The following CAMTA1 variants were observed in gnomAD, a reference collection of about 807,000 sequenced individuals.
CAMTA1 encodes the protein calmodulin binding transcription activator 1.
Under a neutral mutation model 170.9 loss-of-function variants are expected in CAMTA1, and 27 were observed. The ratio of observed to expected loss-of-function variants is 0.16; its 90% confidence interval spans 0.12 to 0.22. CAMTA1 has a LOEUF of 0.22. Among genes scored for constraint, CAMTA1 ranks in the 10% least tolerant of loss-of-function variants. CAMTA1 has a pLI of 1.00. For synonymous variants in CAMTA1, 833 were observed against 891.5 expected (o/e 0.93, Z 1.17); for missense variants, 1,619 against 2,217.2 (o/e 0.73, Z 5.42).
chr1:7,560,608 G>A (rs2094943664), intron 6 of CAMTA1, among the ~76,000 whole-genome samples: 1 of 152,214 alleles, frequency 6.6e-6, no homozygotes, highest in African/African-American at 2.4e-5. Context: ...AGACAGGCAG[G>A]GCTGGCTGTA....
intron 5 of CAMTA1, among the ~76,000 whole-genome samples, chr1:7,410,894 C>CGT (rs758942210): frequency 1.5e-4 from 14 of 91,928 alleles, no homozygotes; most frequent in African/African-American, 6.2e-4. Flanking sequence ...GGAGGGTGGG[C>CGT]GTCTGTGTGT....
At chr1:7,527,927 G>A (rs2150022878) in intron 6 of CAMTA1, among the ~76,000 whole-genome samples, 2 of 152,254 alleles carry the variant, frequency 1.3e-5, no homozygotes, top group East Asian at 3.9e-4. Context: ...ATGCTCTAGA[G>A]ATCGCTCCAA....
At position 7,509,218 on chromosome 1, in the gene CAMTA1, C is replaced by T. The variant is rs375176465; in HGVS notation, c.510+41317C>T. Among the ~76,000 whole-genome samples, 25 of 152,264 alleles carry T rather than the reference C, an allele frequency of 1.6e-4. No individual in the cohort carries two copies. In the East Asian group the frequency reaches 4.4e-3, roughly 27 times the overall value. ...AATTTAAAGGAGAGTGTGTTGGAAC[C>T]GTCTTACAAATGCATCTGTTACATC... On this transcript the variant is annotated intron_variant, in intron 6 of 22. Coordinates refer to ENST00000303635, the MANE Select transcript of CAMTA1 (RefSeq NM_015215.4).
intron 3 of CAMTA1, among the ~76,000 whole-genome samples, chr1:6,958,831 C>T (rs998940147): frequency 2.0e-5 from 3 of 152,074 alleles, no homozygotes; most frequent in African/African-American, 4.8e-5. Context: ...TTGTAAGTTG[C>T]TGAAAGTTTT....
chr1:7,029,360 G>A (rs1702466170), intron 3 of CAMTA1, among the ~76,000 whole-genome samples: 1 of 151,882 alleles, frequency 6.6e-6, no homozygotes, highest in African/African-American at 2.4e-5. Flanking sequence ...AAATTAGCTG[G>A]GCGTGGTGGC....
At chr1:7,743,819 TTTCTTTTCTTTTC>T (rs2150078643) in intron 16 of CAMTA1, among the ~76,000 whole-genome samples, 1 of 151,800 alleles carries the variant, frequency 6.6e-6, no homozygotes, top group East Asian at 1.9e-4. Context: ...GGATTCTTTT[TTTCTTTTCTTTTC>T]TTTTTTTTTT....
rs1437210281 is a variant in CAMTA1 at position 7,562,300 on chromosome 1, A to G, written c.511-78100A>G. Among the ~76,000 whole-genome samples, 1 of 152,344 alleles carries G rather than the reference A, an allele frequency of 6.6e-6. No individual in the cohort carries two copies. The highest frequency in any genetic ancestry group is 1.9e-4 in the East Asian group (1 of 5,182). On this transcript the variant is annotated intron_variant, in intron 6 of 22. Transcript: ENST00000303635. This position sits in a 1 kb window ranked among gnomAD's most constrained non-coding sequence, Gnocchi z 4.8. ...GATGGTGTTTTGCCTTGGTTTGAAT[A>G]TGTAAAGGCACTAAGCTGTTTAATT...
rs183150754 is a variant in CAMTA1, at chr1:6,969,020, T to C, written c.235-122284T>C. On this transcript the variant is annotated intron_variant, in intron 3 of 22. Transcript: ENST00000303635. ...GAGGGACATTTAAAGGGTTTGACTTTATCGGGACAGAGAGGGGCCAGTCTT... is the reference window on the plus strand; with the variant it reads ...GAGGGACATTTAAAGGGTTTGACTTCATCGGGACAGAGAGGGGCCAGTCTT... Among the ~76,000 whole-genome samples, 12 of 152,206 alleles carry C rather than the reference T, an allele frequency of 7.9e-5. 1 individual carries two copies. The East Asian group carries it at 1.5e-3, about 20-fold the overall frequency.
intron 4 of CAMTA1, among the ~76,000 whole-genome samples, chr1:7,231,150 C>T (rs1574061127): frequency 6.6e-6 from 1 of 152,290 alleles, no homozygotes; most frequent in East Asian, 1.9e-4. Flanking sequence ...CCCGGGGGAT[C>T]TGCCCAGGCA....
intron 10 of CAMTA1, among the ~76,000 whole-genome samples, chr1:7,671,564 C>T (rs572180528): frequency 6.6e-6 from 1 of 152,170 alleles, no homozygotes; most frequent in Non-Finnish European, 1.5e-5. Context: ...CTGGCAGGGG[C>T]GGAGGGAGAT....
chr1:7,735,897 C>T (rs957591317), intron 12 of CAMTA1, among the ~76,000 whole-genome samples: 7 of 151,968 alleles, frequency 4.6e-5, no homozygotes, highest in African/African-American at 9.7e-5. Flanking sequence ...CTCAGCCTCC[C>T]GAGTAGCTGG....
chr1:7,287,665 C>T (rs1033024849), intron 5 of CAMTA1, among the ~76,000 whole-genome samples: 1 of 152,186 alleles, frequency 6.6e-6, no homozygotes, highest in African/African-American at 2.4e-5. Context: ...TGGTAATAAA[C>T]AAGCCCTGGA....
At chr1:7,278,488 C>T (rs1671051408) in intron 5 of CAMTA1, among the ~76,000 whole-genome samples, 1 of 152,182 alleles carries the variant, frequency 6.6e-6, no homozygotes, top group African/African-American at 2.4e-5. Context: ...ACAATAAGTG[C>T]TTTTCAGGCA....
intron 6 of CAMTA1, among the ~76,000 whole-genome samples, chr1:7,589,439 G>A (rs190584830): frequency 2.6e-5 from 4 of 152,344 alleles, no homozygotes; most frequent in African/African-American, 9.6e-5. Context: ...AAGGAGGACA[G>A]CTTGACTGTG....
intron 5 of CAMTA1, among the ~76,000 whole-genome samples, chr1:7,400,500 A>G (rs926377641): frequency 9.2e-5 from 14 of 152,118 alleles, no homozygotes; most frequent in Admixed American, 2.6e-4. Flanking sequence ...GGGGTCAGTT[A>G]GTGGAGAGGT....
intron 4 of CAMTA1, among the ~76,000 whole-genome samples, chr1:7,183,069 G>T (rs1191675805): frequency 6.6e-6 from 1 of 152,202 alleles, no homozygotes; most frequent in East Asian, 1.9e-4. Context: ...AAGAAAAGAG[G>T]TTTGTTTTGG....
intron 3 of CAMTA1, among the ~76,000 whole-genome samples, chr1:6,951,288 G>A (rs578023325): frequency 6.6e-6 from 1 of 152,290 alleles, no homozygotes; most frequent in South Asian, 2.1e-4. Context: ...TCATTCAATA[G>A]GTATTGAATC....
intron 5 of CAMTA1, chr1:7,388,435 T>C: frequency 6.6e-6 from 1 of 152,480 alleles, no homozygotes; most frequent in Non-Finnish European, 1.5e-5. Flanking sequence ...CCGATGTGCC[T>C]GCCTGGTATG....
At chr1:7,045,403 A>G (rs1258282955) in intron 3 of CAMTA1, among the ~76,000 whole-genome samples, 2 of 152,182 alleles carry the variant, frequency 1.3e-5, no homozygotes, top group Non-Finnish European at 2.9e-5. Flanking sequence ...CCTCAGCTGA[A>G]ATAGCAAACA....
Sources: gnomAD v4.1 joint callset for allele counts (sites outside exome capture counted in the v4.1 genomes callset) on GRCh38, gnomAD v4.1.1 for gene constraint, Gnocchi (gnomAD v3.1) non-coding constraint, MANE v1.5 for transcripts, NCBI Gene and HGNC (gene_info 2026-07-23, HGNC 2026-07-21) for gene names.